NPAT: variants seen among roughly 807,000 people sequenced by gnomAD.
The protein encoded by NPAT is protein NPAT.
NPAT carries 52 observed loss-of-function variants against 130.7 expected under a neutral mutation model. The ratio of observed to expected loss-of-function variants is 0.40; its 90% confidence interval spans 0.32 to 0.50. The LOEUF is 0.50. Ranked by LOEUF, NPAT falls within the 20% of genes least tolerant of loss-of-function variation. NPAT has a pLI of 0.68. For synonymous variants in NPAT, 580 were observed against 584.8 expected, an observed-to-expected ratio of 0.99 and a Z score of 0.12; for missense variants, 1,687 against 1,662.6, an observed-to-expected ratio of 1.01 and a Z score of -0.26.
chr11:108,161,794 G>A lies in NPAT; in HGVS notation c.3292C>T (p.Leu1098Phe). The A allele has an allele frequency of 6.2e-7, 1 of 1,613,976 alleles. No homozygotes were observed. Among genetic ancestry groups the A allele is most frequent in the East Asian group, 2.2e-5 (1 of 44,876 alleles). ...KERNAVSFPN[L>F]DSPNVSSTLK... ...GTGGAGGACACATTGGGTGAGTCAA[G>A]ATTAGGAAAAGAGACTGCATTCCTT... Residue 1098 changes from leucine (L) to phenylalanine (F), a missense_variant, in exon 17 of 18, where the codon CTT becomes TTT. This residue lies in a region of NPAT where 1,379 missense variants were observed against 1,346.6 expected (regional missense o/e 1.02). Coordinates refer to ENST00000278612, the MANE Select transcript of NPAT (RefSeq NM_002519.3).
chr11:108,176,813 TAA>T (rs2078010467), intron 11 of NPAT, among the ~76,000 whole-genome samples, 179 bp downstream of exon 11: 1 of 152,358 alleles, frequency 6.6e-6, no homozygotes, highest in African/African-American at 2.4e-5. Context: ...CTTTAACAGC[TAA>T]AGTTTCTCAG....
chr11:108,202,063 G>C (rs1376367081), intron 1 of NPAT, among the ~76,000 whole-genome samples: 2 of 151,744 alleles, frequency 1.3e-5, no homozygotes, highest in Non-Finnish European at 2.9e-5. Flanking sequence ...ACTAGCTGAG[G>C]TAACTGCCCT....
chr11:108,204,448 A>C (rs2078306291), intron 1 of NPAT, among the ~76,000 whole-genome samples: 1 of 152,188 alleles, frequency 6.6e-6, no homozygotes, highest in African/African-American at 2.4e-5. Context: ...TCTCATGTTG[A>C]GAGCTGTTCT....
intron 12 of NPAT, 32 bp from the exon 13 acceptor site, chr11:108,173,883 G>A: frequency 6.3e-7 from 1 of 1,579,934 alleles, no homozygotes; most frequent in Non-Finnish European, 8.7e-7. Context: ...GACAGATATG[G>A]TAAATATGTT....
At position 108,173,017 on chromosome 11, in the gene NPAT, G is replaced by A; in HGVS notation, c.1967C>T (p.Ser656Phe). The A allele has an allele frequency of 1.2e-6, 2 of 1,614,020 alleles. No individual in the cohort carries two copies. Among genetic ancestry groups the A allele is most frequent in the Non-Finnish European group, 1.7e-6 (2 of 1,179,994 alleles). ...HTENEAQASK[S>F]ENSQEPSSSV... ...AGATGAAGGCTCCTGTGAATTCTCAGACTTGGATGCCTGAGCTTCATTTTC... is the reference window on the plus strand; with the variant it reads ...AGATGAAGGCTCCTGTGAATTCTCAAACTTGGATGCCTGAGCTTCATTTTC... Residue 656 changes from serine to phenylalanine, a missense_variant, in exon 13 of 18, where the codon TCT (serine) becomes TTT (phenylalanine). Physicochemically the swap from Ser to Phe is radical, Grantham distance 155 (BLOSUM62 -2). This residue lies in a region of NPAT where 1,379 missense variants were observed against 1,346.6 expected (regional missense o/e 1.02). Coordinates refer to ENST00000278612, the MANE Select transcript of NPAT (RefSeq NM_002519.3).
At chr11:108,194,409 T>C (rs1565321526) in intron 2 of NPAT, among the ~76,000 whole-genome samples, 1 of 152,346 alleles carries the variant, frequency 6.6e-6, no homozygotes, top group South Asian at 2.1e-4. Flanking sequence ...TTCATTATTA[T>C]GTTTATTTGT....
intron 1 of NPAT, among the ~76,000 whole-genome samples, chr11:108,219,183 G>C (rs1436153004): frequency 6.6e-6 from 1 of 152,148 alleles, no homozygotes; most frequent in Non-Finnish European, 1.5e-5. Flanking sequence ...GCACTGGTGG[G>C]AGGCTGGAGG....
At chr11:108,217,692 C>A (rs2078446449) in intron 1 of NPAT, among the ~76,000 whole-genome samples, 1 of 151,952 alleles carries the variant, frequency 6.6e-6, no homozygotes, top group African/African-American at 2.4e-5. Flanking sequence ...AATGAAAATC[C>A]AAATATGATG....
chr11:108,170,204 A>G (rs917114885), intron 13 of NPAT, 161 bp from the exon 14 acceptor site: 1 of 599,010 alleles, frequency 1.7e-6, no homozygotes, highest in Non-Finnish European at 3.0e-6. Flanking sequence ...AACAAAACAA[A>G]AAAAACGAAA....
At chr11:108,176,900 A>T (rs368254408) in intron 11 of NPAT, 94 bp downstream of exon 11, 1 of 769,702 alleles carries the variant, frequency 1.3e-6, no homozygotes, top group Admixed American at 2.0e-5. Flanking sequence ...GAACTTTTTT[A>T]GATACTCTGG....
At position 108,176,312 on chromosome 11, in the gene NPAT, G is replaced by C; in HGVS notation, c.1066C>G (p.Pro356Ala). 3 of 1,573,276 alleles carry C rather than the reference G, an allele frequency of 1.9e-6. No homozygotes were observed. The highest frequency in any genetic ancestry group is 2.6e-6 in the Non-Finnish European group (3 of 1,143,168). Reference protein sequence around the residue: ...SISSQPMESNPSIVLADETNL... With the variant: ...SISSQPMESNASIVLADETNL... ...GTTTCATCTGCTAAGACTATACTGG[G>C]ATTGGATTCCATAGGTTGACTGGAA... Residue 356 changes from proline (P) to alanine (A), a missense_variant, in exon 12 of 18, where the codon CCC becomes GCC. Around this residue, in one of 3 missense-constraint regions of NPAT, gnomAD observed 1,379 missense variants for 1,346.6 expected, o/e 1.02. Transcript: ENST00000278612.
intron 2 of NPAT, 141 bp from the exon 3 acceptor site, chr11:108,194,158 G>A (rs1482319037): frequency 3.7e-5 from 22 of 600,730 alleles, no homozygotes; most frequent in Non-Finnish European, 6.3e-5. Context: ...GCAGGTAATC[G>A]AAAATGAAAA....
chr11:108,168,361 A>G (rs968947937), intron 15 of NPAT, among the ~76,000 whole-genome samples: 1 of 152,230 alleles, frequency 6.6e-6, no homozygotes, highest in Admixed American at 6.5e-5. Context: ...ATGGCCATTA[A>G]AAGGAATGAA....
At chr11:108,197,701 T>A (rs2078237049) in intron 1 of NPAT, among the ~76,000 whole-genome samples, 2 of 152,350 alleles carry the variant, frequency 1.3e-5, no homozygotes, top group Non-Finnish European at 1.5e-5. Context: ...GGAGAACCAA[T>A]AAATTAATGA....
In NPAT at chr11:108,161,683, T is replaced by C. The variant is rs2077852048; in HGVS notation, c.3403A>G (p.Ile1135Val). The C allele has an allele frequency of 1.2e-6, 2 of 1,614,022 alleles. No homozygotes were observed. The highest frequency in any genetic ancestry group is 8.5e-7 in the Non-Finnish European group (1 of 1,180,030). Residue 1135 changes from isoleucine to valine, a missense_variant, in exon 17 of 18, where the codon ATT (isoleucine) becomes GTT (valine). Physicochemically the swap from Ile to Val is conservative, Grantham distance 29. Coordinates refer to ENST00000278612, the MANE Select transcript of NPAT (RefSeq NM_002519.3). ...PKILSKSESA[I>V]SRHTTIRETQ... Reference sequence around the variant, plus strand: ...TCTCTTATGGTGGTATGCCGGCTAATGGCACTTTCCGATTTAGATAAAATC... The same window carrying C: ...TCTCTTATGGTGGTATGCCGGCTAACGGCACTTTCCGATTTAGATAAAATC...
chr11:108,175,431 G>A (rs2077996257), intron 12 of NPAT, among the ~76,000 whole-genome samples: 1 of 152,086 alleles, frequency 6.6e-6, no homozygotes, highest in Admixed American at 6.5e-5. Flanking sequence ...CTTATTGTGG[G>A]GAAAACAGTA....
intron 1 of NPAT, among the ~76,000 whole-genome samples, chr11:108,211,753 A>G (rs1008047412): frequency 6.6e-6 from 1 of 152,204 alleles, no homozygotes; most frequent in Non-Finnish European, 1.5e-5. Flanking sequence ...AAATCCAACC[A>G]ATCTGGGCAA....
intron 1 of NPAT, among the ~76,000 whole-genome samples, chr11:108,203,459 C>T (rs974330988): frequency 1.3e-5 from 2 of 152,174 alleles, no homozygotes; most frequent in African/African-American, 4.8e-5. Context: ...GGAAAATATT[C>T]TTAGATTCAT....
intron 10 of NPAT, among the ~76,000 whole-genome samples, chr11:108,184,965 T>C (rs1221454702): frequency 1.3e-5 from 2 of 152,210 alleles, no homozygotes; most frequent in Non-Finnish European, 2.9e-5. Context: ...CACTAATAAA[T>C]GTTTAAGTAT....
Sources: gnomAD v4.1 joint callset for allele counts (sites outside exome capture counted in the v4.1 genomes callset) on GRCh38, gnomAD v4.1.1 for gene constraint, gnomAD v4.1.1 regional missense constraint, MANE v1.5 for transcripts, NCBI Gene and HGNC (gene_info 2026-07-23, HGNC 2026-07-21) for gene names.